PPP3CC: variants seen among roughly 807,000 people sequenced by gnomAD.
PPP3CC encodes the protein serine/threonine-protein phosphatase 2B catalytic subunit gamma isoform.
A neutral mutation model predicts 60.3 loss-of-function variants in PPP3CC; 35 were observed. The observed-to-expected ratio is 0.58, with a 90% confidence interval of 0.44 to 0.77. The LOEUF (loss-of-function observed/expected upper bound fraction) is 0.77. PPP3CC is among the 30% of genes least tolerant of loss of function. The probability of loss-of-function intolerance (pLI) is 0.00; values close to 1 mark genes in which losing one functional copy is unlikely to be tolerated. For synonymous variants in PPP3CC, 206 were observed against 224.3 expected (o/e 0.92, Z 0.73); for missense variants, 570 against 628.9 (o/e 0.91, Z 1.00).
intron 3 of PPP3CC, among the ~76,000 whole-genome samples, chr8:22,479,743 C>CA (rs76119074): frequency 0.015 from 830 of 53,648 alleles, 3 homozygotes; most frequent in African/African-American, 0.028. Flanking sequence ...GACTCTGTCT[C>CA]AAAAAAAAAA....
At chr8:22,506,807 T>C (rs2117079409) in intron 4 of PPP3CC, among the ~76,000 whole-genome samples, 1 of 151,684 alleles carries the variant, frequency 6.6e-6, no homozygotes, top group East Asian at 1.9e-4. Context: ...CCGGGTGTGG[T>C]GGTGGGTGCC....
At chr8:22,481,869 C>CT (rs1019458079) in intron 3 of PPP3CC, among the ~76,000 whole-genome samples, 1 of 151,678 alleles carries the variant, frequency 6.6e-6, no homozygotes, top group East Asian at 1.9e-4. Context: ...TGAACTCATC[C>CT]TTTTTTTTGG....
At chr8:22,518,369 G>A (rs952073483) in intron 6 of PPP3CC, among the ~76,000 whole-genome samples, 1 of 152,138 alleles carries the variant, frequency 6.6e-6, no homozygotes, top group African/African-American at 2.4e-5. Flanking sequence ...AGTGTGGTGT[G>A]TAGTTTCTAT....
intron 1 of PPP3CC, among the ~76,000 whole-genome samples, chr8:22,449,419 T>C (rs1586781721): frequency 8.7e-6 from 1 of 114,904 alleles, no homozygotes; most frequent in South Asian, 2.9e-4. Flanking sequence ...AGCGCCACAC[T>C]CCAGCCTGGG....
intron 4 of PPP3CC, among the ~76,000 whole-genome samples, chr8:22,509,603 A>G (rs1454735843): frequency 6.6e-6 from 1 of 152,124 alleles, no homozygotes; most frequent in East Asian, 1.9e-4. Context: ...TCCTTTCCAG[A>G]GATTTGTAGA....
intron 1 of PPP3CC, among the ~76,000 whole-genome samples, chr8:22,450,252 C>A (rs1360794597): frequency 6.6e-6 from 1 of 151,984 alleles, no homozygotes; most frequent in East Asian, 1.9e-4. Flanking sequence ...ATTACCCAGA[C>A]AGTTGATGTG....
intron 3 of PPP3CC, among the ~76,000 whole-genome samples, chr8:22,481,594 G>T (rs1374432237): frequency 5.3e-5 from 8 of 150,880 alleles, no homozygotes; most frequent in Non-Finnish European, 8.8e-5. Context: ...TACAGAACAT[G>T]CAGGTTTGTT....
intron 1 of PPP3CC, among the ~76,000 whole-genome samples, chr8:22,451,027 G>T (rs1837005548): frequency 6.8e-6 from 1 of 147,670 alleles, no homozygotes; most frequent in African/African-American, 2.5e-5. Context: ...TTTTAATAGA[G>T]ATGGGGTTTC....
chr8:22,530,829 C>CAAACAAAAAAA (rs1839691242), intron 10 of PPP3CC, among the ~76,000 whole-genome samples: 1 of 58,034 alleles, frequency 1.7e-5, no homozygotes, highest in African/African-American at 5.2e-5. Context: ...AGACTCATCT[C>CAAACAAAAAAA]AAAAAAAAAA....
intron 12 of PPP3CC, among the ~76,000 whole-genome samples, chr8:22,537,091 A>G (rs1839860508): frequency 6.6e-6 from 1 of 152,228 alleles, no homozygotes; most frequent in African/African-American, 2.4e-5. Flanking sequence ...ACTACATCAA[A>G]ATTAAAAACT....
intron 1 of PPP3CC, among the ~76,000 whole-genome samples, chr8:22,468,275 T>A (rs563044666): frequency 4.6e-5 from 7 of 152,216 alleles, no homozygotes; most frequent in African/African-American, 1.4e-4. Context: ...AGCTAACTTT[T>A]GTATTTTTGG....
intron 1 of PPP3CC, among the ~76,000 whole-genome samples, chr8:22,468,924 T>A (rs1242209638): frequency 6.6e-6 from 1 of 152,154 alleles, no homozygotes; most frequent in Non-Finnish European, 1.5e-5. Context: ...TTCAACCAAT[T>A]GAATATGGTG....
At chr8:22,495,290 C>T (rs1451564195) in intron 3 of PPP3CC, among the ~76,000 whole-genome samples, 1 of 152,134 alleles carries the variant, frequency 6.6e-6, no homozygotes, top group African/African-American at 2.4e-5. Flanking sequence ...TTGGAAATCA[C>T]TCTAAATCAG....
chr8:22,462,644 C>G (rs188511177), intron 1 of PPP3CC, among the ~76,000 whole-genome samples: 1 of 151,414 alleles, frequency 6.6e-6, no homozygotes, highest in African/African-American at 2.4e-5. Flanking sequence ...GATCTCGGCT[C>G]ACTGCAAGCT....
In PPP3CC at chr8:22,540,472, C is replaced by T. The variant is rs144970973; in HGVS notation, c.1352-143C>T. ...AAGACTGATTCAGTCAGACATTGCC[C>T]ATGACTTTCACTAGACGTGTGCTCC... On this transcript the variant is annotated intron_variant, in intron 13 of 13. Transcript: ENST00000240139. 8.8e-4 allele frequency: 665 copies of T among 755,608 alleles called. 1 individual carries two copies. The African/African-American group carries it at 0.011, about 12-fold the overall frequency. The allele number at this position is 755,608 out of a possible 1,614,324, so 46.8% of individuals were successfully genotyped here.
At chr8:22,511,280 G>T (rs1421635629) in intron 5 of PPP3CC, 49 bp downstream of exon 5, 33 of 1,565,318 alleles carry the variant, frequency 2.1e-5, no homozygotes, top group Non-Finnish European at 2.9e-5. Context: ...AAAATGTGTT[G>T]GGTTTTTTTG....
intron 1 of PPP3CC, among the ~76,000 whole-genome samples, chr8:22,452,096 G>T (rs111971343): frequency 3.7e-3 from 563 of 150,790 alleles, no homozygotes; most frequent in African/African-American, 0.012. Context: ...TGCGATCAAT[G>T]CTCACTGTGG....
At position 22,503,016 on chromosome 8, in the gene PPP3CC, T is replaced by A. The variant is rs972730884; in HGVS notation, c.484+4904T>A. On this transcript the variant is annotated intron_variant, in intron 4 of 13. Coordinates refer to ENST00000240139, the MANE Select transcript of PPP3CC (RefSeq NM_005605.5). ...CATGCCATCGCGCATGGCTTACTTT[T>A]AATTTTATATCCTCTCTAGTATTGT... Among the ~76,000 whole-genome samples the A allele has an allele frequency of 3.9e-5, 6 of 152,194 alleles. No homozygotes were observed. The East Asian group carries it at 1.2e-3, about 29-fold the overall frequency.
At chr8:22,442,325 G>A (rs1462875723) in intron 1 of PPP3CC, among the ~76,000 whole-genome samples, 2 of 152,186 alleles carry the variant, frequency 1.3e-5, no homozygotes, top group African/African-American at 4.8e-5. Flanking sequence ...GACCAGCTGT[G>A]TTAGTGGCCT....
Sources: allele counts gnomAD v4.1 joint callset (sites outside exome capture counted in the v4.1 genomes callset), GRCh38; gene constraint gnomAD v4.1.1; transcripts MANE v1.5; gene names NCBI Gene and HGNC (gene_info 2026-07-23, HGNC 2026-07-21).